The following NOL9 variants were observed in gnomAD, a reference collection of about 807,000 sequenced individuals.
NOL9 encodes polynucleotide 5'-hydroxyl-kinase NOL9.
Under a neutral mutation model 67.9 loss-of-function variants are expected in NOL9, and 28 were observed. The ratio of observed to expected loss-of-function variants is 0.41; its 90% CI spans 0.31 to 0.57. The LOEUF (loss-of-function observed/expected upper bound fraction) is 0.57, where lower values mean the gene tolerates loss of function less well. Among genes scored for constraint, NOL9 ranks in the 20% least tolerant of loss-of-function variants. NOL9 has a pLI of 0.25. For missense variants in NOL9, 777 were observed against 897.0 expected, an observed-to-expected ratio of 0.87 and a Z score of 1.71; for synonymous variants, 356 against 352.2, an observed-to-expected ratio of 1.01 and a Z score of -0.12.
At chr1:6,540,268 G>A (rs1416565265) in intron 6 of NOL9, among the ~76,000 whole-genome samples, 6 of 150,828 alleles carry the variant, frequency 4.0e-5, no homozygotes, top group African/African-American at 9.7e-5. Context: ...GACTACAGGC[G>A]CCCGCCACTA....
chr1:6,534,815 T>C (rs970796397), intron 6 of NOL9, among the ~76,000 whole-genome samples: 11 of 152,092 alleles, frequency 7.2e-5, no homozygotes, highest in African/African-American at 2.7e-4. Context: ...TTTCTTTTTA[T>C]TTTTTTGAGA....
chr1:6,536,461 G>C (rs577828008), intron 6 of NOL9, among the ~76,000 whole-genome samples: 26 of 152,330 alleles, frequency 1.7e-4, no homozygotes, highest in African/African-American at 6.3e-4. Flanking sequence ...CAGCCCAGAA[G>C]CTTGAGGTTG....
At chr1:6,548,020 C>T (rs897326674) in intron 3 of NOL9, 8 of 285,782 alleles carry the variant, frequency 2.8e-5, no homozygotes, top group Admixed American at 7.0e-5. Context: ...TAGGCTGTCC[C>T]GAACCCCTGG....
intron 1 of NOL9, 124 bp downstream of exon 1, chr1:6,553,983 A>G (rs1639606456): frequency 1.3e-6 from 1 of 755,132 alleles, no homozygotes; most frequent in Non-Finnish European, 2.0e-6. Context: ...ATGGACTTGA[A>G]TCCGACTGGC....
At chr1:6,539,965 G>A (rs1206019226) in intron 6 of NOL9, among the ~76,000 whole-genome samples, 1 of 152,108 alleles carries the variant, frequency 6.6e-6, no homozygotes, top group Non-Finnish European at 1.5e-5. Flanking sequence ...AGGACAAGAG[G>A]AGGACAAGAG....
At chr1:6,540,500 T>C (rs1268988019) in intron 6 of NOL9, among the ~76,000 whole-genome samples, 1 of 152,126 alleles carries the variant, frequency 6.6e-6, no homozygotes, top group Non-Finnish European at 1.5e-5. Context: ...AAATTTTTTG[T>C]AGAGACAGGG....
intron 3 of NOL9, among the ~76,000 whole-genome samples, chr1:6,548,972 C>G (rs968241674): frequency 6.6e-6 from 1 of 152,066 alleles, no homozygotes; most frequent in Non-Finnish European, 1.5e-5. Flanking sequence ...GTCCTAGCTA[C>G]TTGGGAGGCT....
intron 5 of NOL9, among the ~76,000 whole-genome samples, chr1:6,543,538 T>C (rs1026577702): frequency 6.6e-6 from 1 of 152,162 alleles, no homozygotes; most frequent in Non-Finnish European, 1.5e-5. Flanking sequence ...TGTCACTCTG[T>C]TGCCCAGGCT....
At chr1:6,542,465 AT>A (rs35794526) in intron 5 of NOL9, among the ~76,000 whole-genome samples, 1 of 146,946 alleles carries the variant, frequency 6.8e-6, no homozygotes, top group African/African-American at 2.5e-5. Flanking sequence ...GCCCAGCTGA[AT>A]TTTTTTTTTG....
chr1:6,544,779 G>A, intron 5 of NOL9, 47 bp downstream of exon 5: 1 of 1,595,006 alleles, frequency 6.3e-7, no homozygotes, highest in South Asian at 1.1e-5. Context: ...CCCACTTCAT[G>A]ACAAAAACCT....
At chr1:6,531,923 G>T in intron 9 of NOL9, 45 bp downstream of exon 9, 3 of 1,474,200 alleles carry the variant, frequency 2.0e-6, no homozygotes, top group Non-Finnish European at 2.9e-6. Flanking sequence ...AACCACACAA[G>T]TGTGTAACAA....
intron 6 of NOL9, among the ~76,000 whole-genome samples, chr1:6,539,865 A>C (rs1472742773): frequency 6.6e-6 from 1 of 152,242 alleles, no homozygotes; most frequent in Non-Finnish European, 1.5e-5. Flanking sequence ...GACAAAGGAT[A>C]AGTATTGTGT....
chr1:6,528,432 C>G (rs572728362), intron 10 of NOL9, among the ~76,000 whole-genome samples: 40 of 152,162 alleles, frequency 2.6e-4, no homozygotes, highest in Non-Finnish European at 5.6e-4. Flanking sequence ...GAGAAGCCAC[C>G]AGACCATCTA....
chr1:6,553,905 G>A (rs986411441), intron 1 of NOL9, among the ~76,000 whole-genome samples: 2 of 152,244 alleles, frequency 1.3e-5, no homozygotes, highest in South Asian at 4.1e-4. Context: ...AAGGCCTAGG[G>A]ACCCCTTAGC....
chr1:6,534,724 G>A (rs780561228), intron 6 of NOL9, among the ~76,000 whole-genome samples: 27 of 152,316 alleles, frequency 1.8e-4, no homozygotes, highest in African/African-American at 6.0e-4. Flanking sequence ...GAAGGCTAAC[G>A]AGAGTGACCC....
intron 3 of NOL9, 91 bp downstream of exon 3, chr1:6,549,480 T>C: frequency 2.1e-6 from 3 of 1,451,772 alleles, no homozygotes; most frequent in Non-Finnish European, 2.8e-6. Context: ...ATAGACCAAC[T>C]GTTCTTCCAA....
rs4908558 is a variant in NOL9 at position 6,524,041 on chromosome 1, A to G, written c.*1813T>C. On this transcript the variant is annotated 3_prime_UTR_variant, in exon 12 of 12. Coordinates refer to ENST00000377705, the MANE Select transcript of NOL9 (RefSeq NM_024654.5). ...GTGATGGATTGTCTTAAAATTCTTT[A>G]CAAGGCCAGCACAGTAAAACATCAT... The G allele has an allele frequency of 0.77, 116,571 of 152,114 alleles. 46,761 individuals carry two copies. Among genetic ancestry groups the G allele is most frequent in the Non-Finnish European group, 0.87 (59,426 of 68,016 alleles). 9.4% of individuals were successfully genotyped at this position (152,114 alleles called of 1,614,324 possible). A position where few individuals can be genotyped will look rare whatever the true frequency, so the allele number is the denominator to read the frequency against.
intron 8 of NOL9, 89 bp downstream of exon 8, chr1:6,532,374 G>A: frequency 4.8e-6 from 6 of 1,238,174 alleles, no homozygotes; most frequent in Non-Finnish European, 6.8e-6. Context: ...GAAGATCTTA[G>A]AGGACTCAGG....
intron 5 of NOL9, among the ~76,000 whole-genome samples, chr1:6,542,242 GCT>G (rs1639310644): frequency 6.7e-6 from 1 of 150,202 alleles, no homozygotes; most frequent in Non-Finnish European, 1.5e-5. Context: ...CTCACTGCAA[GCT>G]CCACCTCCTG....
Sources: allele counts gnomAD v4.1 joint callset (sites outside exome capture counted in the v4.1 genomes callset), GRCh38; gene constraint gnomAD v4.1.1; transcripts MANE v1.5; gene names NCBI Gene and HGNC (gene_info 2026-07-23, HGNC 2026-07-21).